Variants in NAALADL2 observed in about 807,000 individuals in gnomAD.
The protein encoded by NAALADL2 is N-acetylated alpha-linked acidic dipeptidase like 2.
Under a neutral mutation model 87.2 loss-of-function variants are expected in NAALADL2, and 76 were observed. The observed-to-expected ratio is 0.87, with a 90% CI of 0.72 to 1.05. NAALADL2 has a LOEUF of 1.05. Among genes scored for constraint, NAALADL2 ranks in the 50% least tolerant of loss-of-function variants. The probability of loss-of-function intolerance (pLI) is 0.00; values close to 1 mark genes in which losing one functional copy is unlikely to be tolerated. For synonymous variants in NAALADL2, 354 were observed against 331.0 expected (o/e 1.07, Z -0.75); for missense variants, 1,089 against 945.8 (o/e 1.15, Z -1.99).
chr3:174,980,821 GTATGA>G (rs11279429), intron 1 of NAALADL2, among the ~76,000 whole-genome samples: 63,712 of 151,378 alleles, frequency 0.42, 15,344 homozygotes, highest in Non-Finnish European at 0.56. Context: ...TATTGATTTA[GTATGA>G]TATATGTCTT....
intron 2 of NAALADL2, among the ~76,000 whole-genome samples, chr3:175,156,892 A>G (rs973696328): frequency 1.3e-5 from 2 of 152,252 alleles, no homozygotes; most frequent in East Asian, 1.9e-4. Flanking sequence ...TGGGTTCAGT[A>G]TAAAAGAGCT....
intron 2 of NAALADL2, among the ~76,000 whole-genome samples, chr3:175,138,887 AATATAT>A (rs58824117): frequency 0.01 from 975 of 95,402 alleles, 12 homozygotes; most frequent in Middle Eastern, 0.026. Flanking sequence ...AGCCTTTTAA[AATATAT>A]ATATATATAT....
intron 5 of NAALADL2, among the ~76,000 whole-genome samples, chr3:175,421,544 C>A (rs1715696093): frequency 6.6e-6 from 1 of 151,998 alleles, no homozygotes; most frequent in African/African-American, 2.4e-5. Context: ...TCCTTGGATT[C>A]CTGTTTTATT....
chr3:175,095,335 T>C, intron 1 of NAALADL2, among the ~76,000 whole-genome samples: 1 of 151,630 alleles, frequency 6.6e-6, no homozygotes. Context: ...TTTTGTTTGT[T>C]TGTCCATTGT....
intron 9 of NAALADL2, 60 bp downstream of exon 9, chr3:175,471,818 T>G: frequency 7.2e-7 from 1 of 1,380,402 alleles, no homozygotes. Flanking sequence ...CTCTATATTT[T>G]GACATTTCTT....
intron 3 of NAALADL2, among the ~76,000 whole-genome samples, chr3:174,761,878 T>A (rs1713019535): frequency 6.6e-6 from 1 of 151,686 alleles, no homozygotes; most frequent in African/African-American, 2.4e-5. Context: ...TTTGTCCTTG[T>A]GATAGTTTTT....
intron 3 of NAALADL2, among the ~76,000 whole-genome samples, chr3:174,838,475 T>C (rs1490041789): frequency 1.3e-5 from 2 of 152,142 alleles, no homozygotes; most frequent in Non-Finnish European, 2.9e-5. Flanking sequence ...TCCAGCATAG[T>C]ACTGGAAGTC....
At chr3:174,871,455 GC>G (rs1299585378) in intron 1 of NAALADL2, among the ~76,000 whole-genome samples, 1 of 152,204 alleles carries the variant, frequency 6.6e-6, no homozygotes, top group African/African-American at 2.4e-5. Context: ...TTGTTCCGTA[GC>G]CAGTGAAAGT....
At chr3:174,627,528 G>T (rs1180986718) in intron 2 of NAALADL2, among the ~76,000 whole-genome samples, 1 of 152,188 alleles carries the variant, frequency 6.6e-6, no homozygotes, top group African/African-American at 2.4e-5. Flanking sequence ...AGTATGGAGA[G>T]TTTTCAAAGA....
intron 13 of NAALADL2, 49 bp downstream of exon 13, chr3:175,755,467 T>G (rs1470786673): frequency 7.3e-7 from 1 of 1,379,202 alleles, no homozygotes; most frequent in Non-Finnish European, 9.8e-7. Context: ...CATTAAATGT[T>G]TATGTTTAAC....
At chr3:175,473,102 G>A (rs1295644250) in intron 9 of NAALADL2, among the ~76,000 whole-genome samples, 1 of 151,794 alleles carries the variant, frequency 6.6e-6, no homozygotes, top group African/African-American at 2.4e-5. Context: ...AATAGAAATA[G>A]TTAATTATTA....
In NAALADL2 at chr3:174,730,838, C is replaced by A. The variant is rs529830359; in HGVS notation, c.-114-6803C>A. On this transcript the variant is annotated intron_variant, in intron 2 of 3. Coordinates refer to the NAALADL2 transcript ENST00000434257. ...TAATGCTTTCCACTTATCAATAACT[C>A]TCCATTATTTTTGGTACATTACAGC... 1.4e-4 allele frequency among the ~76,000 whole-genome samples: 22 copies of A among 152,012 alleles called. No homozygotes were observed. In the East Asian group the frequency reaches 3.9e-3, roughly 27 times the overall value.
chr3:174,548,197 A>C (rs996788313), intron 1 of NAALADL2, among the ~76,000 whole-genome samples: 1 of 152,212 alleles, frequency 6.6e-6, no homozygotes, highest in Non-Finnish European at 1.5e-5. Context: ...ATACAGTCGG[A>C]GAACTTTAAA....
At chr3:175,515,243 T>C (rs1240039776) in intron 9 of NAALADL2, among the ~76,000 whole-genome samples, 1 of 152,152 alleles carries the variant, frequency 6.6e-6, no homozygotes, top group East Asian at 1.9e-4. Flanking sequence ...GCAAGAAAAT[T>C]CTGTCACACA....
intron 5 of NAALADL2, among the ~76,000 whole-genome samples, chr3:175,395,174 T>G (rs1410064543): frequency 6.6e-6 from 1 of 152,150 alleles, no homozygotes; most frequent in Non-Finnish European, 1.5e-5. Context: ...TGTATAATGC[T>G]GGACAGGGAG....
Position 175,466,964 on chromosome 3 carries a change from C to T in NAALADL2, c.1328-15C>T. On this transcript the variant is annotated splice_polypyrimidine_tract_variant and intron_variant, in intron 7 of 13. Transcript: ENST00000454872. ...TACATTTTTTTAAATGGCTCTTGTC[C>T]CTTTCTATTTTCAGACCGGTATATC... 6 of 1,589,968 alleles carry T rather than the reference C, an allele frequency of 3.8e-6. No homozygotes were observed. The highest frequency in any genetic ancestry group is 5.2e-6 in the Non-Finnish European group (6 of 1,158,888).
chr3:175,448,150 A>T (rs1720995076), intron 6 of NAALADL2, among the ~76,000 whole-genome samples: 1 of 152,232 alleles, frequency 6.6e-6, no homozygotes, highest in Admixed American at 6.5e-5. Context: ...TGTACAAAAA[A>T]ATCTGAATAC....
At chr3:175,781,727 A>ATACTT (rs1290741758) in intron 13 of NAALADL2, among the ~76,000 whole-genome samples, 2 of 149,706 alleles carry the variant, frequency 1.3e-5, no homozygotes, top group Non-Finnish European at 3.0e-5. Context: ...TTTTTTTATT[A>ATACTT]TACTTTAAGT....
intron 6 of NAALADL2, among the ~76,000 whole-genome samples, chr3:175,455,944 T>C (rs2149248595): frequency 6.6e-6 from 1 of 152,116 alleles, no homozygotes; most frequent in Admixed American, 6.6e-5. Flanking sequence ...GGGACAAATA[T>C]TCAATTAAAC....
Sources: allele counts gnomAD v4.1 joint callset (sites outside exome capture counted in the v4.1 genomes callset), GRCh38; gene constraint gnomAD v4.1.1; transcripts MANE v1.5; gene names NCBI Gene and HGNC (gene_info 2026-07-23, HGNC 2026-07-21).